GAS7: variants seen among roughly 807,000 people sequenced by gnomAD.
GAS7 encodes growth arrest specific 7.
Under a neutral mutation model 71.1 loss-of-function variants are expected in GAS7, and 28 were observed. That is an observed-to-expected ratio of 0.39 (90% CI 0.29 to 0.54). The LOEUF (loss-of-function observed/expected upper bound fraction) is 0.54. Ranked by LOEUF, GAS7 falls within the 20% of genes least tolerant of loss-of-function variation. The pLI is 0.62. For missense variants in GAS7, 436 were observed against 627.8 expected, an observed-to-expected ratio of 0.69 and a Z score of 3.27; for synonymous variants, 258 against 245.8, an observed-to-expected ratio of 1.05 and a Z score of -0.46.
At chr17:10,074,735 C>T (rs895901552) in intron 1 of GAS7, among the ~76,000 whole-genome samples, 1 of 152,146 alleles carries the variant, frequency 6.6e-6, no homozygotes, top group Admixed American at 6.5e-5. Context: ...CCACTTAATC[C>T]AATCTCTTCC....
intron 2 of GAS7, among the ~76,000 whole-genome samples, chr17:9,986,777 G>A (rs144904495): frequency 6.6e-6 from 1 of 152,146 alleles, no homozygotes; most frequent in African/African-American, 2.4e-5. Flanking sequence ...CATCAGGGAC[G>A]ATGCAGCTGC....
chr17:9,932,320 G>A (rs559867891), intron 9 of GAS7, among the ~76,000 whole-genome samples: 4 of 149,624 alleles, frequency 2.7e-5, no homozygotes, highest in East Asian at 2.0e-4. Context: ...TCAGCCTCCC[G>A]AGTAGCTGGG....
chr17:10,090,117 C>A (rs896141672), intron 1 of GAS7, among the ~76,000 whole-genome samples: 1 of 151,372 alleles, frequency 6.6e-6, no homozygotes. Flanking sequence ...TGCAGTGAGC[C>A]GAGATCGTGC....
chr17:9,924,934 A>G (rs1218876917), intron 11 of GAS7: 1 of 152,196 alleles, frequency 6.6e-6, no homozygotes, highest in South Asian at 2.1e-4. Flanking sequence ...GCAGAAACCA[A>G]CTCATTGGGA....
chr17:10,050,882 C>T (rs1480311930), intron 1 of GAS7, among the ~76,000 whole-genome samples: 1 of 152,196 alleles, frequency 6.6e-6, no homozygotes, highest in East Asian at 1.9e-4. Context: ...GAAACCAAAA[C>T]TTCCATTCTG....
intron 1 of GAS7, among the ~76,000 whole-genome samples, chr17:10,098,483 C>G (rs2073666718): frequency 1.3e-5 from 2 of 152,226 alleles, no homozygotes; most frequent in South Asian, 4.1e-4. Context: ...AGGCTCCAAG[C>G]AAGAAAGAAG....
intron 11 of GAS7, among the ~76,000 whole-genome samples, chr17:9,923,001 T>A (rs1237609428): frequency 1.3e-5 from 2 of 152,232 alleles, no homozygotes; most frequent in Non-Finnish European, 2.9e-5. Flanking sequence ...CTCTGCCTTC[T>A]GGGTTCAAGC....
At chr17:10,102,090 TA>T (rs770553886) in intron 1 of GAS7, among the ~76,000 whole-genome samples, 1 of 151,288 alleles carries the variant, frequency 6.6e-6, no homozygotes, top group Non-Finnish European at 1.5e-5. Flanking sequence ...TGTGGTATTA[TA>T]TTAATACATT....
chr17:9,958,958 A>C, intron 5 of GAS7: 1 of 1,399,340 alleles, frequency 7.1e-7, no homozygotes, highest in Non-Finnish European at 9.3e-7. Context: ...CGGCTTCTGC[A>C]TCATCCCAGC....
intron 1 of GAS7, among the ~76,000 whole-genome samples, chr17:10,137,372 C>T (rs1185538386): frequency 2.0e-5 from 3 of 151,850 alleles, no homozygotes; most frequent in African/African-American, 4.8e-5. Context: ...CCCCCTCACC[C>T]TCACCCCTCT....
At chr17:9,988,626 G>A (rs1271232767) in intron 2 of GAS7, among the ~76,000 whole-genome samples, 1 of 152,072 alleles carries the variant, frequency 6.6e-6, no homozygotes, top group East Asian at 1.9e-4. Flanking sequence ...GGCGGAGGTT[G>A]TGGTGAGCAG....
intron 1 of GAS7, among the ~76,000 whole-genome samples, chr17:10,193,661 G>A (rs1000190639): frequency 1.3e-5 from 2 of 152,218 alleles, no homozygotes; most frequent in African/African-American, 4.8e-5. Context: ...CATGTGGAAA[G>A]GCCCTGGAGA....
intron 12 of GAS7, among the ~76,000 whole-genome samples, chr17:9,918,723 G>T (rs1350966644): frequency 2.6e-5 from 4 of 152,232 alleles, no homozygotes; most frequent in Non-Finnish European, 4.4e-5. Flanking sequence ...CACAGCTTTT[G>T]TCAAAGGGGA....
chr17:10,183,551 T>C (rs1269774446), intron 1 of GAS7, among the ~76,000 whole-genome samples: 3 of 152,194 alleles, frequency 2.0e-5, no homozygotes, highest in Non-Finnish European at 2.9e-5. Context: ...AGAAAGATTC[T>C]GCAACTGGCT....
intron 2 of GAS7, among the ~76,000 whole-genome samples, chr17:10,005,301 A>G (rs2071480305): frequency 6.6e-6 from 1 of 150,920 alleles, no homozygotes; most frequent in Admixed American, 6.6e-5. Flanking sequence ...ACATGTATAT[A>G]CACATATATA....
intron 1 of GAS7, among the ~76,000 whole-genome samples, chr17:10,158,336 TAAAAAAAAAAAAAA>T: frequency 1.2e-5 from 1 of 83,404 alleles, no homozygotes; most frequent in African/African-American, 4.2e-5. Context: ...CTTTTTTTGG[TAAAAAAAAAAAAAA>T]AAAAAAAAAA....
rs1338327233 is a variant in GAS7, at chr17:10,067,412, T to C, written c.184-47515A>G. Among the ~76,000 whole-genome samples the C allele has an allele frequency of 2.0e-5, 3 of 152,044 alleles. No individual in the cohort carries two copies. In the East Asian group the frequency reaches 5.8e-4, roughly 29 times the overall value. ...GGCGCATGCCACCACACCTGGCTAA[T>C]TTTTGTAGTTTTAGTAGAGACGGGG... is the stretch of plus-strand genomic sequence containing the variant. On this transcript the variant is annotated intron_variant, in intron 1 of 13. Coordinates refer to ENST00000432992, the MANE Select transcript of GAS7 (RefSeq NM_201433.2).
chr17:9,925,496 C>T lies in GAS7; in HGVS notation c.1118G>A (p.Arg373Gln), dbSNP rs373761856. 3 of 1,614,170 alleles carry T rather than the reference C, an allele frequency of 1.9e-6. No individual in the cohort carries two copies. Among genetic ancestry groups the T allele is most frequent in the Non-Finnish European group, 2.5e-6 (3 of 1,180,020 alleles). ...CTTACCAGCCTGTGTGGACTTTCTC[C>T]GCGCCTTCTTGATGTCCTCCTCTGT... is the stretch of plus-strand genomic sequence containing the variant. ...NKTEEDIKKARRKSTQAGDDL... is the reference protein window; with the variant it reads ...NKTEEDIKKAQRKSTQAGDDL... Residue 373 changes from arginine (R) to glutamine (Q), a missense_variant, in exon 11 of 14, where the codon CGG (arginine) becomes CAG (glutamine). Arg to Gln is a conservative substitution (Grantham distance 43, BLOSUM62 1). Coordinates refer to ENST00000432992, the MANE Select transcript of GAS7 (RefSeq NM_201433.2).
At chr17:10,005,247 ATG>A (rs1491540249) in intron 2 of GAS7, among the ~76,000 whole-genome samples, 23 of 149,984 alleles carry the variant, frequency 1.5e-4, no homozygotes, top group East Asian at 7.9e-4. Flanking sequence ...GCGCGCATGC[ATG>A]TGTGTGCACA....
Sources: gnomAD v4.1 joint callset for allele counts (sites outside exome capture counted in the v4.1 genomes callset) on GRCh38, gnomAD v4.1.1 for gene constraint, MANE v1.5 for transcripts, NCBI Gene and HGNC (gene_info 2026-07-23, HGNC 2026-07-21) for gene names.